The following SMC2 variants were observed in gnomAD, a reference collection of about 807,000 sequenced individuals.
SMC2 encodes structural maintenance of chromosomes 2.
SMC2 carries 41 observed loss-of-function variants against 142.6 expected under a neutral mutation model. The ratio of observed to expected loss-of-function variants is 0.29; its 90% CI spans 0.22 to 0.37. The LOEUF (loss-of-function observed/expected upper bound fraction) is 0.37, where lower values mean the gene tolerates loss of function less well. SMC2 is among the 10% of genes least tolerant of loss of function. The pLI is 1.00. For missense variants in SMC2, 1,265 were observed against 1,373.7 expected (o/e 0.92, Z 1.25); for synonymous variants, 463 against 457.5 (o/e 1.01, Z -0.15).
Position 104,126,670 on chromosome 9 carries a change from A to G in SMC2, c.2481A>G (p.Glu827=). 6.2e-7 allele frequency: 1 copy of G among 1,609,916 alleles called. No individual in the cohort carries two copies. Among genetic ancestry groups the G allele is most frequent in the Non-Finnish European group, 8.5e-7 (1 of 1,178,790 alleles). The part of the protein sequence containing the change: ...QEVEAITLEL[E]ELKREHTSYK... Reference sequence around the variant, plus strand: ...TTGAAGCTATCACTCTGGAACTGGAAGAGCTCAAGAGAGAGCATACATCTT... The same window carrying G: ...TTGAAGCTATCACTCTGGAACTGGAGGAGCTCAAGAGAGAGCATACATCTT... Residue 827 remains glutamate, a synonymous_variant, in exon 19 of 25, where the codon GAA becomes GAG. Coordinates refer to ENST00000374793, the MANE Select transcript of SMC2 (RefSeq NM_006444.3).
At chr9:104,116,156 G>A (rs374902646) in intron 13 of SMC2, 44 bp from the exon 14 acceptor site, 10 of 1,537,634 alleles carry the variant, frequency 6.5e-6, no homozygotes, top group Non-Finnish European at 7.0e-6. Context: ...TCAATTTTCT[G>A]TCATTTTTAA....
intron 6 of SMC2, 33 bp from the exon 7 acceptor site, chr9:104,100,356 A>C (rs750222412): frequency 6.7e-7 from 1 of 1,503,044 alleles, no homozygotes; most frequent in Non-Finnish European, 9.2e-7. Context: ...GATACTTTAC[A>C]TGCGAAAATA....
chr9:104,098,773 A>G (rs1465595446), intron 4 of SMC2, among the ~76,000 whole-genome samples: 1 of 151,942 alleles, frequency 6.6e-6, no homozygotes, highest in Non-Finnish European at 1.5e-5. Flanking sequence ...CTCCTCTAGA[A>G]TGTTTAGAAG....
upstream of SMC2, among the ~76,000 whole-genome samples, chr9:104,089,429 T>TG (rs1215274559): frequency 1.3e-5 from 2 of 152,048 alleles, no homozygotes; most frequent in African/African-American, 4.8e-5. Context: ...AGAGTAACAA[T>TG]GGACCACCAT....
At chr9:104,132,232 G>A in intron 22 of SMC2, 107 bp downstream of exon 22, 1 of 674,334 alleles carries the variant, frequency 1.5e-6, no homozygotes, top group South Asian at 1.8e-5. Context: ...TTTGAATGAG[G>A]CACATATTCA....
In SMC2 at chr9:104,111,510, G is replaced by A. The variant is rs7849924; in HGVS notation, c.1021-71G>A. On this transcript the variant is annotated intron_variant, in intron 9 of 24. Transcript: ENST00000374793. ...ATTGCTATGGAATTTTATTACATAA[G>A]GGTATGCGTATAAGAAAGTGGGTGT... 1.4e-3 allele frequency: 1,188 copies of A among 839,996 alleles called. 12 individuals carry two copies. In the African/African-American group the frequency reaches 0.019, roughly 13 times the overall value. The allele number at this position is 839,996 out of a possible 1,614,324, so 52.0% of individuals were successfully genotyped here.
chr9:104,105,298 C>T (rs1051489998), intron 9 of SMC2, among the ~76,000 whole-genome samples: 1 of 152,130 alleles, frequency 6.6e-6, no homozygotes, highest in African/African-American at 2.4e-5. Context: ...CGGCATCCCC[C>T]AGCATGCCCA....
At position 104,095,358 on chromosome 9, in the gene SMC2, G is replaced by T. The variant is rs1830335985; in HGVS notation, c.-27G>T. On this transcript the variant is annotated 5_prime_UTR_variant, in exon 2 of 25. Coordinates refer to ENST00000374793, the MANE Select transcript of SMC2 (RefSeq NM_006444.3). Reference sequence around the variant, plus strand: ...GTGGCCTGTTTGATTCCTGTCAGAGGTTTGCTGACCCAAGACAGTATCGAA... The same window carrying T: ...GTGGCCTGTTTGATTCCTGTCAGAGTTTTGCTGACCCAAGACAGTATCGAA... 2 of 1,601,646 alleles carry T rather than the reference G, an allele frequency of 1.2e-6. No individual in the cohort carries two copies. Among genetic ancestry groups the T allele is most frequent in the East Asian group, 4.5e-5 (2 of 44,814 alleles).
intron 21 of SMC2, among the ~76,000 whole-genome samples, chr9:104,131,197 A>C (rs7037495): frequency 3.3e-5 from 5 of 152,026 alleles, no homozygotes; most frequent in Non-Finnish European, 7.4e-5. Context: ...AGACTACTCT[A>C]AAGTGGTGAT....
chr9:104,130,500 T>C (rs978535599), intron 21 of SMC2, among the ~76,000 whole-genome samples: 12 of 152,186 alleles, frequency 7.9e-5, no homozygotes, highest in African/African-American at 2.9e-4. Context: ...GCTGGAAAAT[T>C]CTGTTTGAAT....
chr9:104,125,000 T>C lies in SMC2; in HGVS notation c.2346T>C (p.Asn782=). 6.2e-7 allele frequency: 1 copy of C among 1,605,446 alleles called. No homozygotes were observed. The highest frequency in any genetic ancestry group is 8.5e-7 in the Non-Finnish European group (1 of 1,177,878). Residue 782 remains asparagine, a synonymous_variant, in exon 18 of 25, where the codon AAT becomes AAC. Coordinates refer to ENST00000374793, the MANE Select transcript of SMC2 (RefSeq NM_006444.3). ...KYEVLENKMK[N]AEAERERELK... ...AAGTATTGGAAAATAAAATGAAAAA[T>C]GCAGAAGCTGAAAGAGAGCGAGAAC...
chr9:104,102,399 T>C (rs779670613), intron 8 of SMC2, 25 bp from the exon 9 acceptor site: 3 of 1,574,986 alleles, frequency 1.9e-6, no homozygotes, highest in East Asian at 4.5e-5. Flanking sequence ...ACATAAGTGA[T>C]TGAATTGACT....
intron 9 of SMC2, among the ~76,000 whole-genome samples, chr9:104,104,057 C>T (rs1564076203): frequency 6.6e-6 from 1 of 152,116 alleles, no homozygotes; most frequent in Non-Finnish European, 1.5e-5. Context: ...TCTGTATCCC[C>T]TTATTCTTCT....
chr9:104,109,560 T>C (rs769927293), intron 9 of SMC2, among the ~76,000 whole-genome samples: 4 of 152,250 alleles, frequency 2.6e-5, no homozygotes, highest in Non-Finnish European at 4.4e-5. Flanking sequence ...ACATCACTTC[T>C]GTGCTTAAAA....
In SMC2 at chr9:104,126,885, G is replaced by T. The variant is rs1400374983; in HGVS notation, c.2595+101G>T. On this transcript the variant is annotated intron_variant, in intron 19 of 24. Transcript: ENST00000374793. Reference sequence around the variant, plus strand: ...TTTAGTGTTCTCAGTCTTTTCACTCGTCATCATGAGAGAATGAGGCACAAA... The same window carrying T: ...TTTAGTGTTCTCAGTCTTTTCACTCTTCATCATGAGAGAATGAGGCACAAA... 4 of 1,147,882 alleles carry T rather than the reference G, an allele frequency of 3.5e-6. No individual in the cohort carries two copies. The African/African-American group carries it at 6.3e-5, about 18-fold the overall frequency. The allele number at this position is 1,147,882 out of a possible 1,614,324, so 71.1% of individuals were successfully genotyped here.
intron 13 of SMC2, among the ~76,000 whole-genome samples, chr9:104,115,405 TC>T (rs1832975098): frequency 6.6e-6 from 1 of 151,940 alleles, no homozygotes; most frequent in Non-Finnish European, 1.5e-5. Flanking sequence ...CAAAACCCCA[TC>T]TCTACTGAAA....
chr9:104,129,784 A>G lies in SMC2; in HGVS notation c.2930A>G (p.Glu977Gly). 1 of 1,613,966 alleles carries G rather than the reference A, an allele frequency of 6.2e-7. No individual in the cohort carries two copies. Among genetic ancestry groups the G allele is most frequent in the Middle Eastern group, 1.7e-4 (1 of 6,058 alleles). ...QRLQKLQEMK[E>G]KLGRNVNMRA... ...CTTCAGAAGTTGCAAGAAATGAAGG[A>G]GAAACTAGGAAGAAATGTCAATATG... is the stretch of plus-strand genomic sequence containing the variant. Residue 977 changes from glutamate to glycine, a missense_variant, in exon 21 of 25, where the codon GAG becomes GGG. Physicochemically the swap from Glu to Gly is moderately conservative, Grantham distance 98. Transcript: ENST00000374793.
chr9:104,119,986 G>A (rs1331291305), intron 15 of SMC2, 41 bp from the exon 16 acceptor site: 2 of 1,605,184 alleles, frequency 1.2e-6, no homozygotes, highest in African/African-American at 1.3e-5. Flanking sequence ...GTACATACCT[G>A]GTAACAATGT....
chr9:104,102,545 G>T lies in SMC2; in HGVS notation c.992G>T (p.Arg331Leu). Residue 331 changes from arginine (R) to leucine (L), a missense_variant, in exon 9 of 25, where the codon CGC (arginine) becomes CTC (leucine). Around this residue, in one of 4 missense-constraint regions of SMC2, gnomAD observed 898 missense variants for 904.2 expected, o/e 0.99. Transcript: ENST00000374793. The stretch of plus-strand genomic sequence containing the variant: ...AATCTGGCATGTGAGGAAAGCAAAC[G>T]CAAAGAGCTGGAAAAAAATATGGTT... Reference protein sequence around the residue: ...KKNLACEESKRKELEKNMVED... With the variant: ...KKNLACEESKLKELEKNMVED... 6.2e-7 allele frequency: 1 copy of T among 1,613,122 alleles called. No homozygotes were observed. Among genetic ancestry groups the T allele is most frequent in the Non-Finnish European group, 8.5e-7 (1 of 1,179,612 alleles).
Sources: allele counts gnomAD v4.1 joint callset (sites outside exome capture counted in the v4.1 genomes callset), GRCh38; gene constraint gnomAD v4.1.1; regional missense constraint gnomAD v4.1.1; transcripts MANE v1.5; gene names NCBI Gene and HGNC (gene_info 2026-07-23, HGNC 2026-07-21).